Variants in CEP162 observed in about 807,000 individuals in gnomAD.
CEP162 encodes the protein centrosomal protein of 162 kDa.
A neutral mutation model predicts 169.2 loss-of-function variants in CEP162; 141 were observed. The ratio of observed to expected loss-of-function variants is 0.83; its 90% confidence interval spans 0.73 to 0.96. The LOEUF (loss-of-function observed/expected upper bound fraction) is 0.96. CEP162 is among the 40% of genes least tolerant of loss of function. The probability of loss-of-function intolerance (pLI) is 0.00; values close to 1 mark genes in which losing one functional copy is unlikely to be tolerated. For synonymous variants in CEP162, 540 were observed against 526.4 expected, an observed-to-expected ratio of 1.03 and a Z score of -0.35; for missense variants, 1,600 against 1,587.2, an observed-to-expected ratio of 1.01 and a Z score of -0.14.
At chr6:84,211,526 C>CAAAAA (rs960472453) in intron 6 of CEP162, among the ~76,000 whole-genome samples, 12 of 35,566 alleles carry the variant, frequency 3.4e-4, no homozygotes, top group African/African-American at 5.2e-4. Context: ...GATTCTATCT[C>CAAAAA]AAAAAAAAAA....
At chr6:84,131,723 G>C (rs2099511556) in intron 25 of CEP162, among the ~76,000 whole-genome samples, 1 of 150,862 alleles carries the variant, frequency 6.6e-6, no homozygotes, top group Admixed American at 6.6e-5. Context: ...CCTTTATCTT[G>C]AGCCTATGTG....
In CEP162 at chr6:84,163,146, G is replaced by C; in HGVS notation, c.2510C>G (p.Thr837Arg). ...ACTGTTTCAGCTCAGTGTTTTACCT[G>C]TGACATAAGCAATCTGATCTTTGGC... ...DQAKDQIAYV[T>R]GEKLYEIKIL... The change falls in exon 19 of 27, where the codon ACA (threonine) becomes AGA (arginine). Residue 837 changes from threonine (T) to arginine (R), a missense_variant and splice_region_variant. Thr to Arg is a moderately conservative substitution (Grantham distance 71). Transcript: ENST00000403245. 1 of 1,613,146 alleles carries C rather than the reference G, an allele frequency of 6.2e-7. No homozygotes were observed. The highest frequency in any genetic ancestry group is 8.5e-7 in the Non-Finnish European group (1 of 1,179,434).
At chr6:84,199,473 G>A (rs751063160) in intron 9 of CEP162, among the ~76,000 whole-genome samples, 14 of 149,982 alleles carry the variant, frequency 9.3e-5, no homozygotes, top group Non-Finnish European at 2.1e-4. Context: ...GGTGTGCTCA[G>A]TATTTCAAAA....
In CEP162 at chr6:84,174,074, C is replaced by G. The variant is rs1562041813; in HGVS notation, c.2140G>C (p.Glu714Gln). The change falls in exon 16 of 27, where the codon GAG becomes CAG. Residue 714 changes from glutamate (E) to glutamine (Q), a missense_variant. Coordinates refer to ENST00000403245, the MANE Select transcript of CEP162 (RefSeq NM_014895.4). ...TGTTGATATCCTTGAAGAAGTGTCTCTTGTTCTTGTATTTCTTTTTGGATT... is the reference window on the plus strand; with the variant it reads ...TGTTGATATCCTTGAAGAAGTGTCTGTTGTTCTTGTATTTCTTTTTGGATT... ...KQIQKEIQEQ[E>Q]TLLQGYQQEN... The G allele has an allele frequency of 1.2e-6, 2 of 1,612,848 alleles. No homozygotes were observed. Among genetic ancestry groups the G allele is most frequent in the Non-Finnish European group, 1.7e-6 (2 of 1,179,290 alleles).
At chr6:84,178,201 C>G (rs1456134692) in intron 13 of CEP162, among the ~76,000 whole-genome samples, 1 of 151,878 alleles carries the variant, frequency 6.6e-6, no homozygotes, top group East Asian at 1.9e-4. Context: ...GCTATTTAAA[C>G]TTGACTGGAT....
chr6:84,201,687 GA>G (rs1320351751), intron 8 of CEP162, 49 bp downstream of exon 8: 2 of 952,086 alleles, frequency 2.1e-6, no homozygotes, highest in Admixed American at 4.9e-5. Context: ...ATGAAATTCT[GA>G]ACAGACTAAT....
intron 10 of CEP162, among the ~76,000 whole-genome samples, chr6:84,194,038 C>A (rs1031127275): frequency 2.6e-5 from 4 of 152,098 alleles, no homozygotes; most frequent in African/African-American, 9.7e-5. Context: ...TAAATGACTT[C>A]TTAATTTGAT....
At chr6:84,134,490 A>C (rs2099513050) in intron 25 of CEP162, among the ~76,000 whole-genome samples, 1 of 152,272 alleles carries the variant, frequency 6.6e-6, no homozygotes, top group South Asian at 2.1e-4. Context: ...CACCCAAGTG[A>C]ATCTTCTGGT....
chr6:84,191,050 A>G (rs2099539668), intron 11 of CEP162, among the ~76,000 whole-genome samples: 1 of 152,218 alleles, frequency 6.6e-6, no homozygotes, highest in African/African-American at 2.4e-5. Flanking sequence ...GGTAGCAAAG[A>G]ACTCTAAGTT....
chr6:84,186,305 C>G lies in CEP162; in HGVS notation c.1401+27G>C, dbSNP rs748130683. ...TACATAACTTCGGTTCTCAATCTCT[C>G]AAATCAATTTGATGATAAATACTTA... On this transcript the variant is annotated intron_variant, in intron 12 of 26. Transcript: ENST00000403245. The G allele has an allele frequency of 1.3e-5, 17 of 1,286,516 alleles. No homozygotes were observed. In the Admixed American group the frequency reaches 3.1e-4, roughly 24 times the overall value. The allele number at this position is 1,286,516 out of a possible 1,614,324, so 79.7% of individuals were successfully genotyped here. A position where few individuals can be genotyped will look rare whatever the true frequency, so the allele number is the denominator to read the frequency against.
chr6:84,136,092 C>G (rs923853351), intron 25 of CEP162, among the ~76,000 whole-genome samples: 1 of 152,114 alleles, frequency 6.6e-6, no homozygotes, highest in African/African-American at 2.4e-5. Context: ...GCTGACAAGG[C>G]CTTGATATTG....
At chr6:84,186,821 ATAATAAT>A (rs2099537384) in intron 11 of CEP162, among the ~76,000 whole-genome samples, 198 bp from the exon 12 acceptor site, 2 of 152,172 alleles carry the variant, frequency 1.3e-5, no homozygotes, top group African/African-American at 4.8e-5. Context: ...TTAATTTCGG[ATAATAAT>A]TTTAATGCAG....
intron 25 of CEP162, among the ~76,000 whole-genome samples, chr6:84,129,262 G>A (rs1038341506): frequency 1.2e-4 from 18 of 152,092 alleles, no homozygotes; most frequent in South Asian, 2.1e-4. Flanking sequence ...TTGAGGAGTC[G>A]CCACACTGTC....
At chr6:84,142,561 C>T (rs1160591645) in intron 25 of CEP162, among the ~76,000 whole-genome samples, 2 of 151,896 alleles carry the variant, frequency 1.3e-5, no homozygotes, top group Non-Finnish European at 2.9e-5. Flanking sequence ...AGAAACTAAC[C>T]CAAATGGTTT....
intron 25 of CEP162, among the ~76,000 whole-genome samples, chr6:84,145,660 T>A (rs901834648): frequency 1.3e-5 from 2 of 152,088 alleles, no homozygotes. Flanking sequence ...TCTCCTACCC[T>A]CCTGCCTTGG....
chr6:84,155,853 C>A (rs2099522937), intron 21 of CEP162, among the ~76,000 whole-genome samples: 1 of 152,162 alleles, frequency 6.6e-6, no homozygotes, highest in Non-Finnish European at 1.5e-5. Context: ...TTACCAAAGT[C>A]ATTTTTCACA....
intron 17 of CEP162, among the ~76,000 whole-genome samples, chr6:84,170,799 T>C (rs1301447505): frequency 1.3e-5 from 2 of 152,186 alleles, no homozygotes; most frequent in African/African-American, 2.4e-5. Context: ...TATGTTAAAG[T>C]TGGAAGCAGT....
At position 84,153,118 on chromosome 6, in the gene CEP162, T is replaced by C. The variant is rs1484980290; in HGVS notation, c.3056A>G (p.His1019Arg). 5 of 1,610,932 alleles carry C rather than the reference T, an allele frequency of 3.1e-6. No individual in the cohort carries two copies. Among genetic ancestry groups the C allele is most frequent in the African/African-American group, 2.7e-5 (2 of 74,738 alleles). The change falls in exon 23 of 27, where the codon CAT (histidine) becomes CGT (arginine). Residue 1019 changes from histidine to arginine, a missense_variant. By Grantham distance (29) the His-to-Arg change is conservative. Transcript: ENST00000403245. ...TAGGGCTTTAATTCTGGGAGAGTCATGTTGATTCAATTTGCAGGCAAGTAG... is the reference window on the plus strand; with the variant it reads ...TAGGGCTTTAATTCTGGGAGAGTCACGTTGATTCAATTTGCAGGCAAGTAG... ...EQLLACKLNQ[H>R]DSPRIKALEK... is the part of the protein sequence containing the mutation.
At chr6:84,154,000 T>C (rs137958227) in intron 22 of CEP162, among the ~76,000 whole-genome samples, 2 of 152,234 alleles carry the variant, frequency 1.3e-5, no homozygotes, top group East Asian at 3.9e-4. Flanking sequence ...TCTTGAGAGA[T>C]GACTGTTAAT....
Sources: allele counts gnomAD v4.1 joint callset (sites outside exome capture counted in the v4.1 genomes callset), GRCh38; gene constraint gnomAD v4.1.1; transcripts MANE v1.5; gene names NCBI Gene and HGNC (gene_info 2026-07-23, HGNC 2026-07-21).